The following ADAMTSL1 variants were observed in gnomAD, a reference collection of about 807,000 sequenced individuals.
The protein encoded by ADAMTSL1 is ADAMTS-like protein 1.
A neutral mutation model predicts 201.8 loss-of-function variants in ADAMTSL1; 126 were observed. The ratio of observed to expected loss-of-function variants is 0.62; its 90% CI spans 0.54 to 0.72. The LOEUF (loss-of-function observed/expected upper bound fraction) is 0.72, where lower values mean the gene tolerates loss of function less well. Among genes scored for constraint, ADAMTSL1 ranks in the 30% least tolerant of loss-of-function variants. The pLI, the probability that ADAMTSL1 is intolerant of heterozygous loss-of-function variation, is 0.00. For missense variants in ADAMTSL1, 2,679 were observed against 2,277.8 expected (o/e 1.18, Z -3.59); for synonymous variants, 1,121 against 903.4 (o/e 1.24, Z -4.32).
intron 9 of ADAMTSL1, among the ~76,000 whole-genome samples, 185 bp downstream of exon 9, chr9:18,662,258 G>A (rs1439812980): frequency 3.3e-5 from 5 of 152,110 alleles, no homozygotes; most frequent in Admixed American, 6.5e-5. Context: ...GCTGCTATGC[G>A]AGGCCATCTC....
intron 1 of ADAMTSL1, among the ~76,000 whole-genome samples, chr9:18,501,444 A>AC (rs1226740167): frequency 6.6e-6 from 1 of 150,862 alleles, no homozygotes; most frequent in Non-Finnish European, 1.5e-5. Context: ...CCAGGAGGTC[A>AC]AGGCTGCAAT....
intron 1 of ADAMTSL1, among the ~76,000 whole-genome samples, chr9:18,091,851 C>T (rs1411249): frequency 0.015 from 2,264 of 151,798 alleles, 60 homozygotes; most frequent in African/African-American, 0.052. Context: ...CAGAGCAGCA[C>T]GGGTATTGTG....
chr9:18,466,792 T>A (rs1190767389), intron 2 of ADAMTSL1, among the ~76,000 whole-genome samples: 1 of 152,150 alleles, frequency 6.6e-6, no homozygotes, highest in African/African-American at 2.4e-5. Flanking sequence ...TTAATCTAGT[T>A]CATGTTAGCA....
At position 18,826,415 on chromosome 9, in the gene ADAMTSL1, G is replaced by T; in HGVS notation, c.4066G>T (p.Ala1356Ser). 6.2e-7 allele frequency: 1 copy of T among 1,613,736 alleles called. No homozygotes were observed. ...SDQGLYSCRA[A>S]NLHGELTEST... ...TCAGGGCCTGTACTCCTGCAGGGCG[G>T]CCAATCTTCATGGAGAGCTGACTGA... is the stretch of plus-strand genomic sequence containing the variant. Residue 1356 changes from alanine to serine, a missense_variant, in exon 22 of 29, where the codon GCC becomes TCC. By Grantham distance (99) the Ala-to-Ser change is moderately conservative. Transcript: ENST00000380548.
intron 3 of ADAMTSL1, among the ~76,000 whole-genome samples, chr9:18,545,649 G>A (rs1347570692): frequency 6.6e-6 from 1 of 152,058 alleles, no homozygotes; most frequent in Non-Finnish European, 1.5e-5. Context: ...CCTGTCAAGA[G>A]GATATAAATT....
At chr9:18,504,074 T>C (rs1017837533) in intron 1 of ADAMTSL1, among the ~76,000 whole-genome samples, 1 of 151,982 alleles carries the variant, frequency 6.6e-6, no homozygotes, top group Non-Finnish European at 1.5e-5. Context: ...AGGTGGTAAG[T>C]TACTTGTTCA....
chr9:18,454,556 C>T lies in ADAMTSL1; in HGVS notation c.208-50273C>T, dbSNP rs141774900. Among the ~76,000 whole-genome samples, 221 of 152,218 alleles carry T rather than the reference C, an allele frequency of 1.5e-3. 1 individual carries two copies. Among genetic ancestry groups the T allele is most frequent in the African/African-American group, 5.0e-3 (208 of 41,554 alleles). On this transcript the variant is annotated intron_variant, in intron 2 of 29. Transcript: ENST00000680146. The stretch of plus-strand genomic sequence containing the variant: ...GACCAATGACTTGATGCAAATGTCT[C>T]GATATGTCTGGGAACACACCTATCC...
intron 2 of ADAMTSL1, among the ~76,000 whole-genome samples, chr9:18,531,601 G>C (rs1819450969): frequency 6.6e-6 from 1 of 152,132 alleles, no homozygotes; most frequent in East Asian, 1.9e-4. Context: ...GATAGTCTGT[G>C]TATAATTGTG....
In ADAMTSL1 at chr9:18,447,735, T is replaced by C. The variant is rs549972547; in HGVS notation, c.208-57094T>C. On this transcript the variant is annotated intron_variant, in intron 2 of 29. Coordinates refer to the ADAMTSL1 transcript ENST00000680146. ...TATTGCTGTTCATTCTTTCTTGAAA[T>C]AGAGTACCTTCCTCCGGAGAGTCTC... Among the ~76,000 whole-genome samples, 11 of 152,316 alleles carry C rather than the reference T, an allele frequency of 7.2e-5. No individual in the cohort carries two copies. The East Asian group carries it at 1.9e-3, about 27-fold the overall frequency.
upstream of ADAMTSL1, among the ~76,000 whole-genome samples, chr9:18,472,676 A>C (rs1821263866): frequency 6.6e-6 from 1 of 152,184 alleles, no homozygotes; most frequent in Non-Finnish European, 1.5e-5. Context: ...TTATGGCTTG[A>C]TCAGGTTTTC....
chr9:18,331,588 T>C (rs571819030), intron 2 of ADAMTSL1, among the ~76,000 whole-genome samples: 7 of 152,326 alleles, frequency 4.6e-5, no homozygotes, highest in African/African-American at 1.4e-4. Flanking sequence ...TTGAAGTCCC[T>C]GTACTAATTT....
intron 1 of ADAMTSL1, among the ~76,000 whole-genome samples, chr9:18,489,621 A>G (rs1822170044): frequency 2.6e-5 from 4 of 152,220 alleles, no homozygotes; most frequent in South Asian, 2.1e-4. Flanking sequence ...AAAATAAAAC[A>G]TACGCTGAGA....
Position 18,910,172 on chromosome 9 carries a change from T to C in ADAMTSL1, c.*1624T>C, listed in dbSNP as rs1459528377. ...GACAATATTAATCTGTGTCCCCACC[T>C]AGTGAGCTGTGGACAGGTTTAAGTT... is the stretch of plus-strand genomic sequence containing the variant. On this transcript the variant is annotated 3_prime_UTR_variant, in exon 29 of 29. Transcript: ENST00000380548. 1 of 152,138 alleles carries C rather than the reference T, an allele frequency of 6.6e-6. No individual in the cohort carries two copies. 9.4% of individuals were successfully genotyped at this position (152,138 alleles called of 1,614,324 possible). A position where few individuals can be genotyped will look rare whatever the true frequency, so the allele number is the denominator to read the frequency against.
intron 5 of ADAMTSL1, among the ~76,000 whole-genome samples, chr9:18,630,373 C>T (rs924505790): frequency 6.6e-6 from 1 of 152,116 alleles, no homozygotes; most frequent in Non-Finnish European, 1.5e-5. Flanking sequence ...GGGTAATTTC[C>T]TCACACTTAT....
At chr9:18,364,169 A>G (rs1836657048) in intron 2 of ADAMTSL1, among the ~76,000 whole-genome samples, 2 of 152,162 alleles carry the variant, frequency 1.3e-5, no homozygotes, top group Non-Finnish European at 2.9e-5. Context: ...CCTAAGAGCC[A>G]TGGATGAGTA....
chr9:18,391,371 TTTTA>T (rs1289759396), intron 2 of ADAMTSL1, among the ~76,000 whole-genome samples: 2 of 152,304 alleles, frequency 1.3e-5, no homozygotes, highest in African/African-American at 4.8e-5. Flanking sequence ...AAATTATATC[TTTTA>T]TTTATTCTAT....
At chr9:18,616,371 G>C (rs1313280313) in intron 4 of ADAMTSL1, among the ~76,000 whole-genome samples, 1 of 152,198 alleles carries the variant, frequency 6.6e-6, no homozygotes, top group African/African-American at 2.4e-5. Flanking sequence ...GGCTTCATCA[G>C]AGGTTATTAG....
At chr9:17,940,995 C>G (rs528170894) in intron 1 of ADAMTSL1, among the ~76,000 whole-genome samples, 101 of 152,078 alleles carry the variant, frequency 6.6e-4, no homozygotes, top group African/African-American at 2.3e-3. Flanking sequence ...ATGAACATCT[C>G]TTCTGCAGCT....
At chr9:18,742,637 C>G (rs948102119) in intron 15 of ADAMTSL1, among the ~76,000 whole-genome samples, 3 of 151,968 alleles carry the variant, frequency 2.0e-5, no homozygotes, top group Non-Finnish European at 2.9e-5. Flanking sequence ...AACATGAAGT[C>G]AGGAAAAGCT....
Sources: allele counts gnomAD v4.1 joint callset (sites outside exome capture counted in the v4.1 genomes callset), GRCh38; gene constraint gnomAD v4.1.1; transcripts MANE v1.5; gene names NCBI Gene and HGNC (gene_info 2026-07-23, HGNC 2026-07-21).